The following SPDYE18 variants were observed in gnomAD, a reference collection of about 807,000 sequenced individuals.
SPDYE18 encodes speedy/RINGO cell cycle regulator family member E18.
SPDYE18 carries 6 observed loss-of-function variants against 44.9 expected under a neutral mutation model. That is an observed-to-expected ratio of 0.13 (90% CI 0.07 to 0.26). The LOEUF (loss-of-function observed/expected upper bound fraction) is 0.26. Among genes scored for constraint, SPDYE18 ranks in the 10% least tolerant of loss-of-function variants. The probability of loss-of-function intolerance (pLI) is 1.00; values close to 1 mark genes in which losing one functional copy is unlikely to be tolerated. For synonymous variants in SPDYE18, 35 were observed against 177.1 expected (o/e 0.20, Z 6.37); for missense variants, 121 against 463.2 (o/e 0.26, Z 6.78).
chr7:77,059,607 T>C (rs1484785712), intron 2 of SPDYE18, among the ~76,000 whole-genome samples: 1 of 151,462 alleles, frequency 6.6e-6, no homozygotes, highest in Non-Finnish European at 1.5e-5. Flanking sequence ...CGAACACTGC[T>C]TCATGTCCTT....
chr7:77,051,807 T>C lies in SPDYE18; in HGVS notation c.*118A>G, dbSNP rs201610341. ...ATCTGCACAAATGGTTCCTCTCCTC[T>C]TTCCTGTTGTCTGCCATTAGCATTG... On this transcript the variant is annotated 3_prime_UTR_variant, in exon 9 of 9. Coordinates refer to ENST00000510091, the MANE Select transcript of SPDYE18 (RefSeq NM_001394953.1). Among the ~76,000 whole-genome samples, 12 of 151,686 alleles carry C rather than the reference T, an allele frequency of 7.9e-5. No homozygotes were observed. Among genetic ancestry groups the C allele is most frequent in the East Asian group, 1.9e-4 (1 of 5,176 alleles).
chr7:77,057,445 T>C (rs1789944195), intron 4 of SPDYE18, among the ~76,000 whole-genome samples, 192 bp downstream of exon 4: 1 of 151,336 alleles, frequency 6.6e-6, no homozygotes, highest in African/African-American at 2.5e-5. Flanking sequence ...TCCCAAGCGC[T>C]GACCTTTATC....
chr7:77,052,531 C>T (rs1789823432), intron 8 of SPDYE18, among the ~76,000 whole-genome samples: 2 of 152,214 alleles, frequency 1.3e-5, no homozygotes, highest in Admixed American at 6.5e-5. Flanking sequence ...ACCTTCCAGG[C>T]TCCAGCGATC....
At chr7:77,053,253 T>A in intron 6 of SPDYE18, 50 bp from the exon 7 acceptor site, 6 of 1,609,738 alleles carry the variant, frequency 3.7e-6, no homozygotes, top group Non-Finnish European at 5.1e-6. Context: ...AGGAGAGGCC[T>A]CCGGCTGAGG....
At chr7:77,054,839 C>G (rs62474224) in intron 6 of SPDYE18, among the ~76,000 whole-genome samples, 4 of 150,706 alleles carry the variant, frequency 2.7e-5, no homozygotes, top group Non-Finnish European at 4.4e-5. Flanking sequence ...TCGACCTTAA[C>G]TTACTGCAAC....
chr7:77,053,075 A>T lies in SPDYE18; in HGVS notation c.884T>A (p.Leu295Ter). The change falls in exon 7 of 9, where the codon TTG becomes TAG. Residue 295 changes from leucine to a stop codon, truncating the protein, a stop_gained. Transcript: ENST00000510091. LOFTEE classifies it high-confidence loss of function. ...GCGGTTCTTCCTGGCCCTCGGGTTC[A>T]AGCAACGGCATAACTGGAACCGACG... ...RNRRFQLCRC[L>*]NPRARKNRSQ... is the part of the protein sequence containing the mutation. The T allele has an allele frequency of 1.2e-6, 2 of 1,614,262 alleles. No homozygotes were observed. Among genetic ancestry groups the T allele is most frequent in the Non-Finnish European group, 1.7e-6 (2 of 1,180,054 alleles).
chr7:77,060,551 G>C lies in SPDYE18; in HGVS notation c.-39C>G. On this transcript the variant is annotated 5_prime_UTR_variant, in exon 2 of 9. Transcript: ENST00000510091. ...ACACTGCTAGGATCCAGAAGAGTAT[G>C]TTATCAATTCTCAAGCCTAGGAGAA... 1 of 1,534,876 alleles carries C rather than the reference G, an allele frequency of 6.5e-7. No homozygotes were observed.
At chr7:77,053,959 A>G (rs1391754426) in intron 6 of SPDYE18, among the ~76,000 whole-genome samples, 6 of 149,048 alleles carry the variant, frequency 4.0e-5, no homozygotes, top group African/African-American at 1.2e-4. Context: ...GCAGTGAGCT[A>G]TGATCTCACC....
At chr7:77,054,383 C>T (rs1212233600) in intron 6 of SPDYE18, among the ~76,000 whole-genome samples, 2 of 146,454 alleles carry the variant, frequency 1.4e-5, no homozygotes, top group African/African-American at 5.1e-5. Context: ...ACCCTGGCCT[C>T]GATAGAGAAA....
intron 6 of SPDYE18, among the ~76,000 whole-genome samples, chr7:77,054,823 A>G (rs1789889904): frequency 6.6e-6 from 1 of 151,184 alleles, no homozygotes; most frequent in African/African-American, 2.4e-5. Flanking sequence ...GCTGGAGTGC[A>G]GTGGCTCGAC....
intron 2 of SPDYE18, among the ~76,000 whole-genome samples, chr7:77,059,601 C>CA (rs1562794669): frequency 1.3e-5 from 2 of 151,410 alleles, no homozygotes; most frequent in Admixed American, 6.7e-5. Context: ...GTCCTCCGAA[C>CA]ACTGCTTCAT....
intron 8 of SPDYE18, among the ~76,000 whole-genome samples, chr7:77,052,420 A>T (rs1209253950): frequency 6.6e-6 from 1 of 151,950 alleles, no homozygotes; most frequent in African/African-American, 2.4e-5. Flanking sequence ...ATCATAATGA[A>T]CCTCCCCAAA....
Position 77,051,241 on chromosome 7 carries a change from ATATT to A in SPDYE18, c.*680_*683del. ...CAGAAACAAATTTAAAGATAATAAA[ATATT>A]TAGGATAAAAAGAATTGTCTCTTAA... On this transcript the variant is annotated 3_prime_UTR_variant, in exon 9 of 9. Transcript: ENST00000510091. 6.6e-6 allele frequency among the ~76,000 whole-genome samples: 1 copy of A among 152,200 alleles called. No homozygotes were observed.
chr7:77,051,373 T>C lies in SPDYE18; in HGVS notation c.*552A>G, dbSNP rs1789793212. On this transcript the variant is annotated 3_prime_UTR_variant, in exon 9 of 9. Coordinates refer to ENST00000510091, the MANE Select transcript of SPDYE18 (RefSeq NM_001394953.1). ...CAAAAGTACAACAATTTCCAAACTA[T>C]TTGAAATAAATCTATGAATAATTCA... Among the ~76,000 whole-genome samples, 1 of 152,290 alleles carries C rather than the reference T, an allele frequency of 6.6e-6. No individual in the cohort carries two copies. The highest frequency in any genetic ancestry group is 1.5e-5 in the Non-Finnish European group (1 of 68,054).
At position 77,053,266 on chromosome 7, in the gene SPDYE18, A is replaced by C; in HGVS notation, c.756-63T>G. On this transcript the variant is annotated intron_variant, in intron 6 of 8. Transcript: ENST00000510091. ...CCAGGAGAGGCCTCCGGCTGAGGTCAGCTTCCCAGAGAGGAAGGTAAGGGA... is the reference window on the plus strand; with the variant it reads ...CCAGGAGAGGCCTCCGGCTGAGGTCCGCTTCCCAGAGAGGAAGGTAAGGGA... 11 of 1,602,010 alleles carry C rather than the reference A, an allele frequency of 6.9e-6. 1 individual carries two copies. In the South Asian group the frequency reaches 1.2e-4, roughly 18 times the overall value.
Position 77,060,469 on chromosome 7 carries a change from G to T in SPDYE18, c.44C>A (p.Thr15Lys), listed in dbSNP as rs11976825. The T allele has an allele frequency of 2.5e-3, 3,845 of 1,534,078 alleles. 77 individuals are homozygous for T. The African/African-American group carries it at 0.044, about 17-fold the overall frequency. Reference protein sequence around the residue: ...KTRFRKRGQITGKITTSRQPH... With the variant: ...KTRFRKRGQIKGKITTSRQPH... ...TTGACGGCTGGTCGTGATCTTTCCCGTAATCTGTCCCCTCTTACGGAACCT... is the reference window on the plus strand; with the variant it reads ...TTGACGGCTGGTCGTGATCTTTCCCTTAATCTGTCCCCTCTTACGGAACCT... Residue 15 changes from threonine to lysine, a missense_variant, in exon 2 of 9, where the codon ACG becomes AAG. Coordinates refer to ENST00000510091, the MANE Select transcript of SPDYE18 (RefSeq NM_001394953.1).
At chr7:77,053,591 G>A (rs1480645764) in intron 6 of SPDYE18, among the ~76,000 whole-genome samples, 1 of 152,264 alleles carries the variant, frequency 6.6e-6, no homozygotes, top group East Asian at 1.9e-4. Context: ...TGTAATCCCA[G>A]CACTTTAGAA....
Position 77,060,399 on chromosome 7 carries a change from C to A in SPDYE18, c.114G>T (p.Gly38=), listed in dbSNP as rs1790002316. Residue 38 remains glycine, a synonymous_variant, in exon 2 of 9, where the codon GGG becomes GGT. Coordinates refer to ENST00000510091, the MANE Select transcript of SPDYE18 (RefSeq NM_001394953.1). ...NEQSLQRSTS[G]YPLQEVVDDE... ...CATCCACCACCTCCTGGAGGGGGTA[C>A]CCCGAGGTGCTCCGCTGGAGACTCT... is the stretch of plus-strand genomic sequence containing the variant. 1 of 1,535,528 alleles carries A rather than the reference C, an allele frequency of 6.5e-7. No individual in the cohort carries two copies. Among genetic ancestry groups the A allele is most frequent in the Non-Finnish European group, 8.7e-7 (1 of 1,146,912 alleles).
rs1388842942 is a variant in SPDYE18, at chr7:77,052,940, C to T, written c.999+20G>A. 1 of 1,608,460 alleles carries T rather than the reference C, an allele frequency of 6.2e-7. No homozygotes were observed. The highest frequency in any genetic ancestry group is 2.2e-5 in the East Asian group (1 of 44,848). ...ACCCGATTCCTCCCCACCTCCTCCACCTCCCCAGGCCCCACTCACCTCCTC... is the reference window on the plus strand; with the variant it reads ...ACCCGATTCCTCCCCACCTCCTCCATCTCCCCAGGCCCCACTCACCTCCTC... On this transcript the variant is annotated intron_variant, in intron 7 of 8. Coordinates refer to ENST00000510091, the MANE Select transcript of SPDYE18 (RefSeq NM_001394953.1).
Sources: gnomAD v4.1 joint callset for allele counts (sites outside exome capture counted in the v4.1 genomes callset) on GRCh38, gnomAD v4.1.1 for gene constraint, MANE v1.5 for transcripts, NCBI Gene and HGNC (gene_info 2026-07-23, HGNC 2026-07-21) for gene names.